SEMA6D: variants seen among roughly 807,000 people sequenced by gnomAD.
The protein encoded by SEMA6D is semaphorin-6D.
In SEMA6D, 35 loss-of-function variants were observed where a neutral mutation model predicts 106.6. The observed-to-expected ratio is 0.33, with a 90% CI of 0.25 to 0.44. The LOEUF (loss-of-function observed/expected upper bound fraction) is 0.44, where lower values mean the gene tolerates loss of function less well. Among genes scored for constraint, SEMA6D ranks in the 20% least tolerant of loss-of-function variants. SEMA6D has a pLI of 1.00. For missense variants in SEMA6D, 1,185 were observed against 1,345.9 expected (o/e 0.88, Z 1.87); for synonymous variants, 499 against 487.7 (o/e 1.02, Z -0.31).
rs948836409 is a variant in SEMA6D, at chr15:47,771,251, C to A, written c.2688C>A (p.Ile896=). The A allele has an allele frequency of 7.4e-6, 12 of 1,614,086 alleles. No homozygotes were observed. In the Middle Eastern group the frequency reaches 8.3e-4, roughly 111 times the overall value. Residue 896 remains isoleucine (I), a synonymous_variant, in exon 19 of 19, where the codon ATC becomes ATA. Transcript: ENST00000536845. ...ACCCAAATAGTAACCCCAAAGCCAT[C>A]ATGGGAGACATCCAGATGGCACACC... ...LNDPNSNPKA[I]MGDIQMAHQN...
At chr15:47,295,034 A>T (rs893770997) in intron 1 of SEMA6D, among the ~76,000 whole-genome samples, 1 of 152,218 alleles carries the variant, frequency 6.6e-6, no homozygotes, top group African/African-American at 2.4e-5. Flanking sequence ...TTAACAGAGT[A>T]GGGAGAGCCA....
At chr15:47,188,566 A>G (rs1893730876) in intron 1 of SEMA6D, among the ~76,000 whole-genome samples, 1 of 152,182 alleles carries the variant, frequency 6.6e-6, no homozygotes, top group Non-Finnish European at 1.5e-5. Flanking sequence ...CTTTAGGCAC[A>G]AGAAAGCTCA....
intron 1 of SEMA6D, among the ~76,000 whole-genome samples, chr15:47,227,937 T>A (rs1428885690): frequency 7.0e-6 from 1 of 143,282 alleles, no homozygotes; most frequent in South Asian, 2.1e-4. Flanking sequence ...TATAAGAATC[T>A]TATATATATT....
At chr15:47,191,185 A>ATG (rs918548819) in intron 1 of SEMA6D, among the ~76,000 whole-genome samples, 6 of 151,518 alleles carry the variant, frequency 4.0e-5, no homozygotes, top group Non-Finnish European at 5.9e-5. Context: ...AAACATATAT[A>ATG]TATATATATA....
At chr15:47,202,984 G>C (rs922155867) in intron 1 of SEMA6D, among the ~76,000 whole-genome samples, 1 of 152,096 alleles carries the variant, frequency 6.6e-6, no homozygotes, top group Non-Finnish European at 1.5e-5. Flanking sequence ...TTTCCTTTTA[G>C]TGAAAACAAA....
chr15:47,343,248 T>TTTTTTATTATTATTA (rs1555425174), intron 1 of SEMA6D, among the ~76,000 whole-genome samples: 1 of 146,148 alleles, frequency 6.8e-6, no homozygotes, highest in African/African-American at 2.6e-5. Flanking sequence ...TAGTTGGATT[T>TTTTTTATTATTATTA]TTATTATTAT....
intron 1 of SEMA6D, among the ~76,000 whole-genome samples, chr15:47,733,384 G>C (rs1339835921): frequency 6.6e-6 from 1 of 152,072 alleles, no homozygotes; most frequent in Non-Finnish European, 1.5e-5. Flanking sequence ...TACAGCTGAT[G>C]TTTCTTTGCA....
intron 4 of SEMA6D, among the ~76,000 whole-genome samples, chr15:47,656,820 C>G (rs1596547794): frequency 6.6e-6 from 1 of 152,166 alleles, no homozygotes; most frequent in East Asian, 1.9e-4. Flanking sequence ...AGCTACAAAA[C>G]ATGCACAAGA....
At chr15:47,545,035 A>T (rs1797228) in intron 3 of SEMA6D, among the ~76,000 whole-genome samples, 75,371 of 151,870 alleles carry the variant, frequency 0.5, 19,588 homozygotes, top group East Asian at 0.73. Flanking sequence ...TTGCTATGTA[A>T]GAAATGGTTT....
chr15:47,569,590 T>C (rs987822456), intron 3 of SEMA6D, among the ~76,000 whole-genome samples: 2 of 152,082 alleles, frequency 1.3e-5, no homozygotes, highest in African/African-American at 4.8e-5. Flanking sequence ...GGGCACCCTG[T>C]AGGTCCCCAA....
At chr15:47,224,980 C>T (rs1378220) in intron 1 of SEMA6D, among the ~76,000 whole-genome samples, 1,854 of 151,234 alleles carry the variant, frequency 0.012, 53 homozygotes, top group Admixed American at 0.012. Flanking sequence ...TCTGAGGTCA[C>T]GAATACCCAC....
chr15:47,377,165 A>C (rs1191996014), intron 1 of SEMA6D, among the ~76,000 whole-genome samples: 1 of 152,254 alleles, frequency 6.6e-6, no homozygotes, highest in African/African-American at 2.4e-5. Flanking sequence ...ATTAATAATA[A>C]AATCTATGCA....
intron 3 of SEMA6D, among the ~76,000 whole-genome samples, chr15:47,493,712 C>G (rs1032473653): frequency 5.9e-5 from 9 of 152,116 alleles, no homozygotes; most frequent in Admixed American, 5.2e-4. Context: ...GGTAAAATTA[C>G]TACAATCTCT....
chr15:47,610,660 A>G (rs745840598), intron 4 of SEMA6D, among the ~76,000 whole-genome samples: 1 of 152,186 alleles, frequency 6.6e-6, no homozygotes, highest in Non-Finnish European at 1.5e-5. Flanking sequence ...TCGGAGTATA[A>G]TAATTTAGTC....
At chr15:47,749,980 TGAAG>T (rs2081344710) in intron 1 of SEMA6D, among the ~76,000 whole-genome samples, 1 of 151,026 alleles carries the variant, frequency 6.6e-6, no homozygotes, top group Non-Finnish European at 1.5e-5. Flanking sequence ...CTCAAGGAGA[TGAAG>T]GAAGATTTAA....
At chr15:47,415,092 T>G (rs2040917494) in intron 2 of SEMA6D, among the ~76,000 whole-genome samples, 1 of 152,224 alleles carries the variant, frequency 6.6e-6, no homozygotes, top group African/African-American at 2.4e-5. Flanking sequence ...ATAGCACTTG[T>G]CTGATTTGAA....
At chr15:47,244,472 T>A (rs2033093400) in intron 1 of SEMA6D, among the ~76,000 whole-genome samples, 1 of 152,188 alleles carries the variant, frequency 6.6e-6, no homozygotes, top group Admixed American at 6.5e-5. Context: ...AACTTACAGA[T>A]ATGATCTCAT....
At chr15:47,213,439 G>T (rs1357062706) in intron 1 of SEMA6D, among the ~76,000 whole-genome samples, 1 of 152,148 alleles carries the variant, frequency 6.6e-6, no homozygotes, top group Non-Finnish European at 1.5e-5. Context: ...TGCCTTGGAG[G>T]TTTTAATTGG....
At chr15:47,636,788 A>C (rs781616043) in intron 4 of SEMA6D, among the ~76,000 whole-genome samples, 5 of 152,202 alleles carry the variant, frequency 3.3e-5, no homozygotes, top group Non-Finnish European at 7.4e-5. Flanking sequence ...AGGGCCTGCA[A>C]TACAGAAGGG....
Sources: allele counts gnomAD v4.1 joint callset (sites outside exome capture counted in the v4.1 genomes callset), GRCh38; gene constraint gnomAD v4.1.1; transcripts MANE v1.5; gene names NCBI Gene and HGNC (gene_info 2026-07-23, HGNC 2026-07-21).